LPP: variants seen among roughly 807,000 people sequenced by gnomAD.
The protein encoded by LPP is lipoma-preferred partner.
LPP carries 38 observed loss-of-function variants against 60.4 expected under a neutral mutation model. The ratio of observed to expected loss-of-function variants is 0.63; its 90% CI spans 0.49 to 0.83. The LOEUF is 0.83. LPP is among the 40% of genes least tolerant of loss of function. The pLI, the probability that LPP is intolerant of heterozygous loss-of-function variation, is 0.00. For missense variants in LPP, 902 were observed against 783.6 expected (o/e 1.15, Z -1.80); for synonymous variants, 328 against 290.8 (o/e 1.13, Z -1.30).
At chr3:188,341,630 G>A (rs1763083790) in intron 2 of LPP, 33 bp from the exon 3 acceptor site, 1 of 906,816 alleles carries the variant, frequency 1.1e-6, no homozygotes, top group Non-Finnish European at 1.3e-6. Context: ...GTGTCTGGAA[G>A]TAATTTTTAC....
chr3:188,262,328 GTT>G (rs374219679), intron 2 of LPP, among the ~76,000 whole-genome samples: 2 of 146,278 alleles, frequency 1.4e-5, no homozygotes, highest in African/African-American at 2.5e-5. Flanking sequence ...TGAAAATAGT[GTT>G]TTTTTTTTTA....
Position 188,888,234 on chromosome 3 carries a change from T to C in LPP, c.*13755T>C, listed in dbSNP as rs562037386. The C allele has an allele frequency of 1.4e-3, 321 of 222,104 alleles. 1 individual carries two copies. The highest frequency in any genetic ancestry group is 2.0e-3 in the Non-Finnish European group (223 of 110,902). 13.8% of individuals were successfully genotyped at this position (222,104 alleles called of 1,614,324 possible). A position where few individuals can be genotyped will look rare whatever the true frequency, so the allele number is the denominator to read the frequency against. ...CAGCTAAGTAAGGGAATATGTGCAA[T>C]TATGAGACATACAAAAAAGGAAAGG... On this transcript the variant is annotated 3_prime_UTR_variant, in exon 12 of 12. Coordinates refer to ENST00000617246, the MANE Select transcript of LPP (RefSeq NM_001375462.1).
chr3:188,524,912 C>CG (rs1360395555), intron 6 of LPP, 125 bp downstream of exon 6: 7 of 457,634 alleles, frequency 1.5e-5, no homozygotes, highest in Non-Finnish European at 2.3e-5. Flanking sequence ...TCCTTCCTTC[C>CG]TTCCTTCCTT....
chr3:188,820,546 A>T (rs1361318868), intron 9 of LPP, among the ~76,000 whole-genome samples: 2 of 152,088 alleles, frequency 1.3e-5, no homozygotes, highest in Non-Finnish European at 2.9e-5. Context: ...ATATATGTGA[A>T]TGTGAATTCC....
intron 6 of LPP, among the ~76,000 whole-genome samples, chr3:188,547,911 A>C (rs1827093000): frequency 1.3e-5 from 2 of 152,172 alleles, no homozygotes; most frequent in Non-Finnish European, 2.9e-5. Context: ...CACTCCAGAA[A>C]CGGCCCTGAG....
At chr3:188,443,398 C>T (rs1794501023) in intron 4 of LPP, among the ~76,000 whole-genome samples, 1 of 152,162 alleles carries the variant, frequency 6.6e-6, no homozygotes, top group South Asian at 2.1e-4. Context: ...CGTGAAGGCT[C>T]TGTGGCCTGG....
chr3:188,561,135 A>AT (rs1560566044), intron 6 of LPP, among the ~76,000 whole-genome samples: 1 of 152,022 alleles, frequency 6.6e-6, no homozygotes, highest in Non-Finnish European at 1.5e-5. Context: ...ACTTTCAAAC[A>AT]TTTTCTTAAG....
chr3:188,779,954 A>AATAT lies in LPP; in HGVS notation c.1410+19683_1410+19686dup, dbSNP rs142089734. 9.7e-3 allele frequency among the ~76,000 whole-genome samples: 1,474 copies of AATAT among 151,370 alleles called. 18 individuals carry two copies. Among genetic ancestry groups the AATAT allele is most frequent in the African/African-American group, 0.034 (1,409 of 41,338 alleles). ...GAACAGATTTCTTCTTTCTTATTTA[A>AATAT]ATATATATATATATGAGGAAATAAA... On this transcript the variant is annotated intron_variant, in intron 9 of 11. Transcript: ENST00000617246.
At chr3:188,411,044 G>T (rs1784779098) in intron 4 of LPP, among the ~76,000 whole-genome samples, 1 of 152,080 alleles carries the variant, frequency 6.6e-6, no homozygotes, top group Non-Finnish European at 1.5e-5. Flanking sequence ...CCAAGTTGCT[G>T]CAAATGCCAT....
chr3:188,269,785 G>A (rs1737041678), intron 2 of LPP, among the ~76,000 whole-genome samples: 1 of 151,824 alleles, frequency 6.6e-6, no homozygotes. Context: ...CCAGTAGCTG[G>A]TACTACAGGC....
chr3:188,791,921 A>G (rs1263826436), intron 9 of LPP, among the ~76,000 whole-genome samples: 1 of 152,138 alleles, frequency 6.6e-6, no homozygotes. Flanking sequence ...TGAGGACACT[A>G]TTAAGTTCCC....
intron 3 of LPP, among the ~76,000 whole-genome samples, chr3:188,393,745 T>C (rs552198408): frequency 6.6e-6 from 1 of 152,214 alleles, no homozygotes; most frequent in Admixed American, 6.5e-5. Flanking sequence ...TTCTCTTTTA[T>C]ATAACAATCA....
intron 8 of LPP, among the ~76,000 whole-genome samples, chr3:188,756,355 G>A (rs528142862): frequency 1.3e-5 from 2 of 152,314 alleles, no homozygotes; most frequent in South Asian, 4.1e-4. Context: ...TGACTGCTCA[G>A]CATTGGCAGC....
At chr3:188,697,327 C>T (rs377041650) in intron 7 of LPP, among the ~76,000 whole-genome samples, 4 of 152,234 alleles carry the variant, frequency 2.6e-5, no homozygotes, top group East Asian at 1.9e-4. Context: ...GCATTTCCCA[C>T]GAAAAACTCA....
chr3:188,321,013 T>C (rs1388575096), intron 2 of LPP, among the ~76,000 whole-genome samples: 3 of 152,326 alleles, frequency 2.0e-5, no homozygotes, highest in South Asian at 2.1e-4. Context: ...TCCTCACATA[T>C]AAGATGGAGC....
intron 8 of LPP, among the ~76,000 whole-genome samples, chr3:188,754,660 ATT>A (rs201794579): frequency 6.7e-6 from 1 of 148,540 alleles, no homozygotes; most frequent in African/African-American, 2.5e-5. Flanking sequence ...AGGGATCAAT[ATT>A]TTTTTTTTTA....
At chr3:188,304,468 C>T (rs1291547140) in intron 2 of LPP, among the ~76,000 whole-genome samples, 1 of 152,104 alleles carries the variant, frequency 6.6e-6, no homozygotes, top group African/African-American at 2.4e-5. Context: ...GGTGCCATGC[C>T]ACATGTATCA....
At chr3:188,176,342 A>G (rs1008667808) in intron 1 of LPP, among the ~76,000 whole-genome samples, 1 of 152,182 alleles carries the variant, frequency 6.6e-6, no homozygotes, top group Admixed American at 6.5e-5. Context: ...AATTTAAAAA[A>G]GAGTTTTTGA....
intron 7 of LPP, among the ~76,000 whole-genome samples, chr3:188,701,314 C>T (rs1403453561): frequency 6.6e-6 from 1 of 151,766 alleles, no homozygotes; most frequent in Non-Finnish European, 1.5e-5. Flanking sequence ...GAATGACAAT[C>T]ACCTGGGCCC....
Sources: allele counts gnomAD v4.1 joint callset (sites outside exome capture counted in the v4.1 genomes callset), GRCh38; gene constraint gnomAD v4.1.1; transcripts MANE v1.5; gene names NCBI Gene and HGNC (gene_info 2026-07-23, HGNC 2026-07-21).